KCNIP1: variants seen among roughly 807,000 people sequenced by gnomAD.
The protein encoded by KCNIP1 is A-type potassium channel modulatory protein KCNIP1.
Under a neutral mutation model 33.0 loss-of-function variants are expected in KCNIP1, and 18 were observed. The observed-to-expected ratio is 0.55, with a 90% CI of 0.38 to 0.81. The LOEUF is 0.81. KCNIP1 is among the 30% of genes least tolerant of loss of function. The pLI, the probability that KCNIP1 is intolerant of heterozygous loss-of-function variation, is 0.00. For missense variants in KCNIP1, 238 were observed against 271.6 expected (o/e 0.88, Z 0.87); for synonymous variants, 93 against 98.3 (o/e 0.95, Z 0.32).
At chr5:170,550,501 A>G (rs573551368) in intron 1 of KCNIP1, among the ~76,000 whole-genome samples, 14 of 151,672 alleles carry the variant, frequency 9.2e-5, no homozygotes, top group African/African-American at 3.1e-4. Context: ...GATGGTGATG[A>G]TGATGGTGAT....
intron 1 of KCNIP1, among the ~76,000 whole-genome samples, chr5:170,391,809 C>T (rs1217391116): frequency 1.3e-5 from 2 of 152,196 alleles, no homozygotes; most frequent in Non-Finnish European, 2.9e-5. Context: ...TTATACCTAG[C>T]CCCTCAGTGT....
At chr5:170,399,994 C>CACAGG (rs1191714800) in intron 1 of KCNIP1, among the ~76,000 whole-genome samples, 1 of 152,176 alleles carries the variant, frequency 6.6e-6, no homozygotes, top group Non-Finnish European at 1.5e-5. Context: ...TGATAAAATA[C>CACAGG]ACACCTCTGT....
chr5:170,486,404 C>CA (rs1384932277), intron 1 of KCNIP1: 1 of 152,298 alleles, frequency 6.6e-6, no homozygotes, highest in Admixed American at 6.5e-5. Flanking sequence ...GCAGAAATTT[C>CA]AAACAAGGGG....
chr5:170,631,075 A>G (rs1291696988), intron 1 of KCNIP1, among the ~76,000 whole-genome samples: 1 of 152,116 alleles, frequency 6.6e-6, no homozygotes, highest in Non-Finnish European at 1.5e-5. Flanking sequence ...CAACCAGATG[A>G]CTTCCTTCTC....
intron 1 of KCNIP1, among the ~76,000 whole-genome samples, chr5:170,598,898 TGTGCGC>T (rs1173479870): frequency 4.4e-5 from 5 of 114,160 alleles, no homozygotes; most frequent in African/African-American, 6.4e-5. Context: ...GCTGTGTGTG[TGTGCGC>T]GTGTGTGTGT....
At chr5:170,437,726 G>A (rs1755897543) in intron 1 of KCNIP1, among the ~76,000 whole-genome samples, 1 of 152,190 alleles carries the variant, frequency 6.6e-6, no homozygotes, top group Non-Finnish European at 1.5e-5. Context: ...AGGGTCCACA[G>A]AGGAAGGCAA....
chr5:170,386,615 G>C (rs571629724), intron 1 of KCNIP1, among the ~76,000 whole-genome samples: 30 of 152,124 alleles, frequency 2.0e-4, no homozygotes, highest in Middle Eastern at 3.4e-3. Flanking sequence ...CACAGGCAGG[G>C]AAAGGAGAGG....
chr5:170,632,956 G>A lies in KCNIP1; in HGVS notation c.62-85802G>A, dbSNP rs1760116533. Among the ~76,000 whole-genome samples the A allele has an allele frequency of 2.0e-5, 3 of 150,304 alleles. No individual in the cohort carries two copies. In the South Asian group the frequency reaches 6.5e-4, roughly 33 times the overall value. On this transcript the variant is annotated intron_variant, in intron 1 of 7. Coordinates refer to ENST00000328939, the MANE Select transcript of KCNIP1 (RefSeq NM_014592.4). ...CTCGCGTGGGGGTGGGTTGGGGCTT[G>A]AGCACGGGTTGAACCTGGAAGAGGC...
intron 1 of KCNIP1, among the ~76,000 whole-genome samples, chr5:170,534,554 G>T (rs1233071352): frequency 6.6e-6 from 1 of 152,134 alleles, no homozygotes; most frequent in Non-Finnish European, 1.5e-5. Context: ...AGAAGCACCT[G>T]TTGCCCAGGA....
At chr5:170,390,229 G>A (rs1224183535) in intron 1 of KCNIP1, among the ~76,000 whole-genome samples, 1 of 152,154 alleles carries the variant, frequency 6.6e-6, no homozygotes, top group African/African-American at 2.4e-5. Context: ...ACAAAGGGCA[G>A]GCACAGTGGC....
chr5:170,490,265 G>T (rs886472352), intron 1 of KCNIP1, among the ~76,000 whole-genome samples: 1 of 152,216 alleles, frequency 6.6e-6, no homozygotes, highest in African/African-American at 2.4e-5. Context: ...GACATCCAAA[G>T]TTGGATAGGC....
At chr5:170,588,042 T>C (rs1379720895) in intron 1 of KCNIP1, among the ~76,000 whole-genome samples, 2 of 152,254 alleles carry the variant, frequency 1.3e-5, no homozygotes, top group African/African-American at 4.8e-5. Flanking sequence ...AAGGACCTGT[T>C]ACTTTGCTCA....
intron 1 of KCNIP1, among the ~76,000 whole-genome samples, chr5:170,507,644 T>A (rs1289700509): frequency 6.6e-6 from 1 of 152,192 alleles, no homozygotes; most frequent in African/African-American, 2.4e-5. Flanking sequence ...GCCTGCTCAA[T>A]TAAAATCCTG....
At chr5:170,624,727 G>T (rs1759749215) in intron 1 of KCNIP1, among the ~76,000 whole-genome samples, 4 of 97,348 alleles carry the variant, frequency 4.1e-5, no homozygotes, top group African/African-American at 1.7e-4. Flanking sequence ...AGGAGACCGG[G>T]GAGGTGGGGG....
intron 1 of KCNIP1, chr5:170,377,464 G>A (rs1764050458): frequency 6.6e-6 from 1 of 152,216 alleles, no homozygotes; most frequent in South Asian, 2.1e-4. Context: ...TTTCAAATCT[G>A]AGATAGGCTT....
At chr5:170,522,608 C>T (rs557733060) in intron 1 of KCNIP1, among the ~76,000 whole-genome samples, 1 of 152,344 alleles carries the variant, frequency 6.6e-6, no homozygotes, top group East Asian at 1.9e-4. Context: ...CTGGGGAATT[C>T]GCCAAGGTAA....
intron 1 of KCNIP1, among the ~76,000 whole-genome samples, chr5:170,555,805 C>T (rs571240751): frequency 6.6e-6 from 1 of 152,254 alleles, no homozygotes; most frequent in East Asian, 1.9e-4. Context: ...ACCGAGGCAG[C>T]CTCGGGAATG....
chr5:170,408,005 A>G (rs545196864), intron 1 of KCNIP1, among the ~76,000 whole-genome samples: 1 of 152,296 alleles, frequency 6.6e-6, no homozygotes, highest in African/African-American at 2.4e-5. Flanking sequence ...TCTCAGCCTC[A>G]ACTTTCCCAC....
rs1278203038 is a variant in KCNIP1 at position 170,578,600 on chromosome 5, G to A, written c.61+73967G>A. Among the ~76,000 whole-genome samples, 5 of 152,198 alleles carry A rather than the reference G, an allele frequency of 3.3e-5. No homozygotes were observed. The East Asian group carries it at 9.6e-4, about 29-fold the overall frequency. ...GAGCTGGCAGCGTTTATCTAAGAAT[G>A]TGGCATTGGGAAAAGTGGTGCAGGC... On this transcript the variant is annotated intron_variant, in intron 1 of 7. Coordinates refer to ENST00000328939, the MANE Select transcript of KCNIP1 (RefSeq NM_014592.4).
Sources: gnomAD v4.1 joint callset for allele counts (sites outside exome capture counted in the v4.1 genomes callset) on GRCh38, gnomAD v4.1.1 for gene constraint, MANE v1.5 for transcripts, NCBI Gene and HGNC (gene_info 2026-07-23, HGNC 2026-07-21) for gene names.